FSHR: variants seen among roughly 807,000 people sequenced by gnomAD.
FSHR encodes follicle stimulating hormone receptor.
FSHR carries 46 observed loss-of-function variants against 52.1 expected under a neutral mutation model. That is an observed-to-expected ratio of 0.88 (90% confidence interval 0.70 to 1.13). FSHR has a LOEUF of 1.13. Among genes scored for constraint, FSHR ranks in the 50% most tolerant of loss-of-function variants. FSHR has a pLI of 0.00. For synonymous variants in FSHR, 399 were observed against 309.6 expected (o/e 1.29, Z -3.03); for missense variants, 964 against 834.6 (o/e 1.16, Z -1.91).
chr2:48,998,826 G>A (rs994462618), intron 4 of FSHR, among the ~76,000 whole-genome samples: 1 of 151,984 alleles, frequency 6.6e-6, no homozygotes, highest in African/African-American at 2.4e-5. Context: ...TATATTTAGT[G>A]AGAGCAAAAC....
chr2:49,022,486 C>G (rs1323810391), intron 2 of FSHR, among the ~76,000 whole-genome samples: 3 of 152,030 alleles, frequency 2.0e-5, no homozygotes, highest in Non-Finnish European at 4.4e-5. Context: ...CCGATCTAAC[C>G]CAATTCTGTC....
intron 2 of FSHR, among the ~76,000 whole-genome samples, chr2:49,039,043 C>A (rs966289428): frequency 2.0e-5 from 3 of 152,160 alleles, no homozygotes; most frequent in African/African-American, 7.2e-5. Context: ...ATCTCTATTT[C>A]CATGAGGCCC....
intron 1 of FSHR, among the ~76,000 whole-genome samples, chr2:49,106,571 G>A (rs907570228): frequency 2.6e-5 from 4 of 152,090 alleles, no homozygotes; most frequent in Non-Finnish European, 5.9e-5. Context: ...ACCCTATTCT[G>A]TTCTTTACTT....
chr2:49,069,881 G>A (rs893274115), intron 1 of FSHR, among the ~76,000 whole-genome samples: 2 of 152,140 alleles, frequency 1.3e-5, no homozygotes, highest in African/African-American at 4.8e-5. Flanking sequence ...CAAACACCAT[G>A]GACTTGGATA....
chr2:48,976,192 T>G (rs941899211), intron 8 of FSHR, among the ~76,000 whole-genome samples: 1 of 152,214 alleles, frequency 6.6e-6, no homozygotes, highest in African/African-American at 2.4e-5. Flanking sequence ...CTTTTTAGCA[T>G]GAAGTGGTGT....
chr2:48,982,832 T>G, intron 8 of FSHR, 80 bp downstream of exon 8: 1 of 1,238,632 alleles, frequency 8.1e-7, no homozygotes, highest in Non-Finnish European at 1.2e-6. Context: ...TGTTGGAAGC[T>G]TCTCCCCTAG....
intron 1 of FSHR, among the ~76,000 whole-genome samples, chr2:49,147,932 T>G (rs1375079398): frequency 1.3e-5 from 2 of 151,948 alleles, no homozygotes; most frequent in African/African-American, 4.8e-5. Context: ...TATAGGAGAC[T>G]CCAAACATGG....
chr2:49,104,505 G>C (rs1022382634), intron 1 of FSHR, among the ~76,000 whole-genome samples: 1 of 152,242 alleles, frequency 6.6e-6, no homozygotes, highest in African/African-American at 2.4e-5. Flanking sequence ...AGAAAGAAAA[G>C]CTTAAGAAAA....
intron 1 of FSHR, among the ~76,000 whole-genome samples, chr2:49,119,164 G>T (rs909870970): frequency 4.7e-4 from 72 of 152,148 alleles, no homozygotes; most frequent in African/African-American, 1.7e-3. Context: ...GATCCTTTAA[G>T]AATGAAGACT....
intron 9 of FSHR, among the ~76,000 whole-genome samples, chr2:48,965,114 A>ATAACCTC (rs1674415402): frequency 6.6e-6 from 1 of 152,130 alleles, no homozygotes; most frequent in African/African-American, 2.4e-5. Flanking sequence ...CCTCAGATAT[A>ATAACCTC]AGTGGCGAAG....
intron 1 of FSHR, among the ~76,000 whole-genome samples, chr2:49,089,538 T>C (rs914876630): frequency 2.6e-5 from 4 of 152,250 alleles, no homozygotes; most frequent in Admixed American, 1.3e-4. Flanking sequence ...CATTAAAAAA[T>C]ACTGAAATCT....
chr2:49,005,738 T>C (rs1419729008), intron 4 of FSHR, among the ~76,000 whole-genome samples: 1 of 152,180 alleles, frequency 6.6e-6, no homozygotes, highest in Non-Finnish European at 1.5e-5. Flanking sequence ...CATGCCTTTC[T>C]ATCCCTCTAA....
intron 4 of FSHR, among the ~76,000 whole-genome samples, chr2:49,006,744 A>C (rs749831542): frequency 3.2e-4 from 48 of 152,154 alleles, no homozygotes; most frequent in Non-Finnish European, 6.2e-4. Flanking sequence ...AACGTTTGAT[A>C]GACTTTTCTC....
chr2:49,139,364 A>C (rs1672594323), intron 1 of FSHR, among the ~76,000 whole-genome samples: 1 of 152,132 alleles, frequency 6.6e-6, no homozygotes, highest in African/African-American at 2.4e-5. Context: ...GGAAGGTAGA[A>C]TACTTATGAG....
chr2:49,038,356 T>C lies in FSHR; in HGVS notation c.225-18196A>G, dbSNP rs930976265. On this transcript the variant is annotated intron_variant, in intron 2 of 9. Transcript: ENST00000406846. Reference sequence around the variant, plus strand: ...CTAGTTTTTGGCTGTGCGCAGTGGCTCACGCCTGTAATCCCAGTACTTTGG... The same window carrying C: ...CTAGTTTTTGGCTGTGCGCAGTGGCCCACGCCTGTAATCCCAGTACTTTGG... Among the ~76,000 whole-genome samples the C allele has an allele frequency of 1.1e-4, 16 of 152,114 alleles. 1 individual carries two copies. Among genetic ancestry groups the C allele is most frequent in the African/African-American group, 3.6e-4 (15 of 41,426 alleles).
chr2:49,030,922 A>G (rs533993479), intron 2 of FSHR, among the ~76,000 whole-genome samples: 237 of 152,296 alleles, frequency 1.6e-3, no homozygotes, highest in African/African-American at 5.4e-3. Context: ...TGGTTTTTAA[A>G]TGCTTCCTAT....
intron 1 of FSHR, among the ~76,000 whole-genome samples, chr2:49,132,641 A>G (rs1672323562): frequency 6.6e-6 from 1 of 152,112 alleles, no homozygotes; most frequent in South Asian, 2.1e-4. Flanking sequence ...CTTCATTGCA[A>G]TAACATTTAT....
At position 49,020,106 on chromosome 2, in the gene FSHR, G is replaced by A. The variant is rs1368616611; in HGVS notation, c.279C>T (p.Asn93=). 1.2e-6 allele frequency: 2 copies of A among 1,613,392 alleles called. No individual in the cohort carries two copies. The highest frequency in any genetic ancestry group is 8.5e-7 in the Non-Finnish European group (1 of 1,179,540). Residue 93 remains asparagine (N), a synonymous_variant, in exon 3 of 10, where the codon AAC becomes AAT. Transcript: ENST00000406846. ...CTTACATTTCATGTAATTTGGGAAGGTTGGAGAACACATCTGCCTCTATCA... is the reference window on the plus strand; with the variant it reads ...CTTACATTTCATGTAATTTGGGAAGATTGGAGAACACATCTGCCTCTATCA... ...LEVIEADVFS[N]LPKLHEIRIE...
chr2:49,127,897 TC>T (rs66528420), intron 1 of FSHR, among the ~76,000 whole-genome samples: 2,298 of 40,434 alleles, frequency 0.057, 322 homozygotes, highest in Non-Finnish European at 0.073. Context: ...TTCTTCTTCT[TC>T]TTTTTTTTTT....
Sources: gnomAD v4.1 joint callset for allele counts (sites outside exome capture counted in the v4.1 genomes callset) on GRCh38, gnomAD v4.1.1 for gene constraint, MANE v1.5 for transcripts, NCBI Gene and HGNC (gene_info 2026-07-23, HGNC 2026-07-21) for gene names.